The following LRRIQ1 variants were observed in gnomAD, a reference collection of about 807,000 sequenced individuals.
The protein encoded by LRRIQ1 is leucine-rich repeat- and IQ domain-containing protein 1.
Under a neutral mutation model 211.9 loss-of-function variants are expected in LRRIQ1, and 210 were observed. That is an observed-to-expected ratio of 0.99 (90% CI 0.89 to 1.11). The LOEUF (loss-of-function observed/expected upper bound fraction) is 1.11. Ranked by LOEUF, LRRIQ1 falls within the 50% of genes most tolerant of loss-of-function variation. The pLI is 0.00. For synonymous variants in LRRIQ1, 699 were observed against 650.1 expected (o/e 1.08, Z -1.14); for missense variants, 2,136 against 1,939.5 (o/e 1.10, Z -1.90).
At chr12:85,077,054 C>T (rs370917740) in intron 11 of LRRIQ1, among the ~76,000 whole-genome samples, 1 of 152,140 alleles carries the variant, frequency 6.6e-6, no homozygotes, top group African/African-American at 2.4e-5. Flanking sequence ...TAAAAAGTCT[C>T]AAGTGCAACT....
At chr12:85,191,590 C>A (rs1311990179) in intron 24 of LRRIQ1, among the ~76,000 whole-genome samples, 1 of 151,960 alleles carries the variant, frequency 6.6e-6, no homozygotes, top group African/African-American at 2.4e-5. Flanking sequence ...CTTAGTTGTT[C>A]TGAAGTTTTA....
chr12:85,055,285 T>G (rs1880849261), intron 7 of LRRIQ1, among the ~76,000 whole-genome samples: 1 of 152,106 alleles, frequency 6.6e-6, no homozygotes, highest in Non-Finnish European at 1.5e-5. Flanking sequence ...CTTTCTATCT[T>G]CAAGGAAATC....
chr12:85,123,534 T>A (rs1888137182), intron 16 of LRRIQ1, among the ~76,000 whole-genome samples: 1 of 152,132 alleles, frequency 6.6e-6, no homozygotes, highest in Non-Finnish European at 1.5e-5. Flanking sequence ...AATCCAATCA[T>A]TGTTCAAGAG....
chr12:85,163,487 T>C (rs1675870103), intron 24 of LRRIQ1, among the ~76,000 whole-genome samples: 1 of 152,194 alleles, frequency 6.6e-6, no homozygotes, highest in South Asian at 2.1e-4. Context: ...AATTGGATCA[T>C]ACTGTAGAAC....
At chr12:85,081,213 C>T (rs1884247741) in intron 11 of LRRIQ1, among the ~76,000 whole-genome samples, 1 of 152,236 alleles carries the variant, frequency 6.6e-6, no homozygotes, top group Non-Finnish European at 1.5e-5. Context: ...CTGAGGATTA[C>T]TAGATATCCT....
chr12:85,160,612 G>T lies in LRRIQ1; in HGVS notation c.4721-1G>T, dbSNP rs1302045567. On this transcript the variant is annotated splice_acceptor_variant, in intron 23 of 26. Coordinates refer to ENST00000393217, the MANE Select transcript of LRRIQ1 (RefSeq NM_001079910.2). LOFTEE classifies it high-confidence loss of function. Reference sequence around the variant, plus strand: ...GCTCCTTTCTTATTCGTTTTGTTTAGATTCCACTGTGCGTCTAGCCTTATT... The same window carrying T: ...GCTCCTTTCTTATTCGTTTTGTTTATATTCCACTGTGCGTCTAGCCTTATT... 2 of 1,585,862 alleles carry T rather than the reference G, an allele frequency of 1.3e-6. No individual in the cohort carries two copies. Among genetic ancestry groups the T allele is most frequent in the Admixed American group, 1.7e-5 (1 of 59,504 alleles).
intron 24 of LRRIQ1, among the ~76,000 whole-genome samples, chr12:85,200,156 A>C (rs1893219798): frequency 6.6e-6 from 1 of 151,860 alleles, no homozygotes; most frequent in African/African-American, 2.4e-5. Flanking sequence ...GCAGTGTTTT[A>C]TAATTATTGT....
At chr12:85,186,969 A>T (rs1034176309) in intron 24 of LRRIQ1, among the ~76,000 whole-genome samples, 1 of 152,148 alleles carries the variant, frequency 6.6e-6, no homozygotes, top group Non-Finnish European at 1.5e-5. Context: ...GTCACCATGA[A>T]CAAACTAGTT....
chr12:85,240,162 T>C (rs527257527), intron 26 of LRRIQ1, among the ~76,000 whole-genome samples: 1 of 152,068 alleles, frequency 6.6e-6, no homozygotes, highest in Non-Finnish European at 1.5e-5. Flanking sequence ...AAATGAAAAG[T>C]CAAACCACAT....
chr12:85,056,874 G>A lies in LRRIQ1; in HGVS notation c.2081G>A (p.Ser694Asn), dbSNP rs774945366. 55 of 1,613,250 alleles carry A rather than the reference G, an allele frequency of 3.4e-5. No homozygotes were observed. The highest frequency in any genetic ancestry group is 4.2e-5 in the Non-Finnish European group (49 of 1,179,624). Residue 694 changes from serine (S) to asparagine (N), a missense_variant, in exon 8 of 27, where the codon AGC (serine) becomes AAC (asparagine). Physicochemically the swap from Ser to Asn is conservative, Grantham distance 46. Transcript: ENST00000393217. ...CEGLSNYNAE[S>N]SMVSKEVNSL... ...GGCTTGAGTAACTATAATGCAGAAA[G>A]CTCCATGGTATCTAAAGAAGTCAAC...
intron 1 of LRRIQ1, among the ~76,000 whole-genome samples, chr12:85,261,239 C>T (rs1793354419): frequency 1.3e-5 from 2 of 152,006 alleles, no homozygotes; most frequent in African/African-American, 4.8e-5. Flanking sequence ...TTTATCCCTG[C>T]TTTTTAGTGC....
chr12:85,057,239 G>GTA, intron 8 of LRRIQ1, 55 bp downstream of exon 8: 2 of 1,171,278 alleles, frequency 1.7e-6, no homozygotes, highest in Non-Finnish European at 2.3e-6. Flanking sequence ...GCTCTTTAAA[G>GTA]TATAACTTTT....
In LRRIQ1 at chr12:85,137,893, C is replaced by T; in HGVS notation, c.4253C>T (p.Ala1418Val). 1 of 1,589,702 alleles carries T rather than the reference C, an allele frequency of 6.3e-7. No homozygotes were observed. Among genetic ancestry groups the T allele is most frequent in the Non-Finnish European group, 8.6e-7 (1 of 1,164,618 alleles). ...GFILRKKLTT[A>V]LEAIKNEESD... ...ATTTTGCGAAAGAAACTGACAACAGCTCTAGAGGCTATTAAGAATGAAGAA... is the reference window on the plus strand; with the variant it reads ...ATTTTGCGAAAGAAACTGACAACAGTTCTAGAGGCTATTAAGAATGAAGAA... The change falls in exon 19 of 27, where the codon GCT becomes GTT. Residue 1418 changes from alanine (A) to valine (V), a missense_variant. By Grantham distance (64) the Ala-to-Val change is moderately conservative. Transcript: ENST00000393217.
At chr12:85,117,935 A>G (rs183905632) in intron 15 of LRRIQ1, among the ~76,000 whole-genome samples, 115 of 152,286 alleles carry the variant, frequency 7.6e-4, no homozygotes, top group Admixed American at 3.1e-3. Flanking sequence ...TTCATCAGTA[A>G]TACAGTAAAC....
intron 24 of LRRIQ1, among the ~76,000 whole-genome samples, chr12:85,161,792 G>A (rs1356942885): frequency 2.0e-5 from 3 of 152,170 alleles, no homozygotes; most frequent in Admixed American, 6.5e-5. Flanking sequence ...TGTAATCCCA[G>A]CACTTTGGGA....
At chr12:85,131,928 A>G (rs995163572) in intron 18 of LRRIQ1, among the ~76,000 whole-genome samples, 3 of 152,162 alleles carry the variant, frequency 2.0e-5, no homozygotes, top group African/African-American at 7.2e-5. Context: ...TTACTTACCC[A>G]CATGTTTACA....
intron 24 of LRRIQ1, among the ~76,000 whole-genome samples, chr12:85,213,654 C>T (rs1893943404): frequency 6.6e-6 from 1 of 151,830 alleles, no homozygotes; most frequent in Non-Finnish European, 1.5e-5. Flanking sequence ...GAATACAATG[C>T]TAGTAAACTA....
intron 18 of LRRIQ1, among the ~76,000 whole-genome samples, chr12:85,130,563 ATCAT>A (rs1888678621): frequency 6.6e-6 from 1 of 152,210 alleles, no homozygotes; most frequent in South Asian, 2.1e-4. Context: ...AAAAGGAAGC[ATCAT>A]TCAGTCTTTC....
intron 24 of LRRIQ1, among the ~76,000 whole-genome samples, chr12:85,172,756 C>T (rs1891478697): frequency 1.3e-5 from 2 of 151,998 alleles, no homozygotes; most frequent in Non-Finnish European, 2.9e-5. Context: ...GTCTCTATGT[C>T]AAAGGTTCGG....
Sources: gnomAD v4.1 joint callset for allele counts (sites outside exome capture counted in the v4.1 genomes callset) on GRCh38, gnomAD v4.1.1 for gene constraint, MANE v1.5 for transcripts, NCBI Gene and HGNC (gene_info 2026-07-23, HGNC 2026-07-21) for gene names.